Variants in ESR1 observed in about 807,000 individuals in gnomAD.
ESR1 encodes the protein estrogen receptor.
Under a neutral mutation model 52.7 loss-of-function variants are expected in ESR1, and 12 were observed. The ratio of observed to expected loss-of-function variants is 0.23; its 90% CI spans 0.15 to 0.37. The LOEUF is 0.37. Ranked by LOEUF, ESR1 falls within the 10% of genes least tolerant of loss-of-function variation. The pLI, the probability that ESR1 is intolerant of heterozygous loss-of-function variation, is 1.00. For missense variants in ESR1, 584 were observed against 779.7 expected (o/e 0.75, Z 2.99); for synonymous variants, 305 against 316.8 (o/e 0.96, Z 0.39).
At chr6:151,920,398 C>T (rs1052653403) in intron 3 of ESR1, among the ~76,000 whole-genome samples, 4 of 151,900 alleles carry the variant, frequency 2.6e-5, no homozygotes, top group East Asian at 3.9e-4. Flanking sequence ...TATGCCTCAC[C>T]CAGTTTCCTC....
rs397954103 is a variant in ESR1 at position 151,775,745 on chromosome 6, C to CAA, written c.-70-32082_-70-32081dup. On this transcript the variant is annotated intron_variant, in intron 2 of 2. Coordinates refer to the ESR1 transcript ENST00000404742. ...TGGGTGACAAATCGAGACTCCGTCT[C>CAA]AAAAAAAAAAAAAAAAATCCAAAAA... is the stretch of plus-strand genomic sequence containing the variant. 6.6e-3 allele frequency among the ~76,000 whole-genome samples: 510 copies of CAA among 77,336 alleles called. 3 individuals are homozygous for CAA. Among genetic ancestry groups the CAA allele is most frequent in the Non-Finnish European group, 9.2e-3 (343 of 37,436 alleles). The allele number at this position is 77,336 out of a possible 152,430, so 50.7% of individuals were successfully genotyped here.
At chr6:151,815,333 A>G (rs1449774774) in intron 1 of ESR1, among the ~76,000 whole-genome samples, 6 of 152,214 alleles carry the variant, frequency 3.9e-5, no homozygotes, top group Admixed American at 3.9e-4. Context: ...GGGCTTTTGG[A>G]AGCCTCTTTG....
chr6:151,768,787 C>G (rs1412989333), intron 2 of ESR1, among the ~76,000 whole-genome samples: 1 of 152,176 alleles, frequency 6.6e-6, no homozygotes, highest in Non-Finnish European at 1.5e-5. Flanking sequence ...TTTTCTCAAC[C>G]TTTCCTTTAA....
chr6:152,085,058 A>G (rs1282446259), intron 6 of ESR1, among the ~76,000 whole-genome samples: 4 of 152,164 alleles, frequency 2.6e-5, no homozygotes, highest in African/African-American at 9.7e-5. Flanking sequence ...TTGAAATTCT[A>G]TTCCACCTCT....
chr6:152,033,028 C>T (rs1234299621), intron 5 of ESR1, among the ~76,000 whole-genome samples: 2 of 152,084 alleles, frequency 1.3e-5, no homozygotes, highest in East Asian at 3.9e-4. Flanking sequence ...CTGAGAAAAA[C>T]AAGAAATGGG....
Position 152,067,905 on chromosome 6 carries a change from A to T in ESR1, c.1369+6781A>T, listed in dbSNP as rs151158001. 1.5e-3 allele frequency among the ~76,000 whole-genome samples: 221 copies of T among 152,328 alleles called. 1 individual carries two copies. Among genetic ancestry groups the T allele is most frequent in the African/African-American group, 5.0e-3 (210 of 41,586 alleles). ...GACTTAAAATGTTCTTAGTATGCCA[A>T]TGTTGCTTAAATATGAATGACTGTA... On this transcript the variant is annotated intron_variant, in intron 6 of 7. Transcript: ENST00000206249.
chr6:151,796,119 T>C (rs1456750537), intron 2 of ESR1, among the ~76,000 whole-genome samples: 3 of 150,328 alleles, frequency 2.0e-5, no homozygotes, highest in Middle Eastern at 3.4e-3. Flanking sequence ...TGAGCCGAGA[T>C]TGGGCCACTG....
At chr6:151,763,470 G>A (rs1371688522) in intron 2 of ESR1, among the ~76,000 whole-genome samples, 2 of 152,158 alleles carry the variant, frequency 1.3e-5, no homozygotes, top group African/African-American at 4.8e-5. Flanking sequence ...TTTGGTTATT[G>A]TTGCTGTAAC....
chr6:151,775,269 G>A (rs558184613), intron 2 of ESR1, among the ~76,000 whole-genome samples: 22 of 152,262 alleles, frequency 1.4e-4, no homozygotes, highest in Non-Finnish European at 2.4e-4. Flanking sequence ...TTGGCTTTGG[G>A]ATTATTTCAG....
intron 1 of ESR1, among the ~76,000 whole-genome samples, chr6:151,814,342 C>T (rs9340777): frequency 6.6e-6 from 1 of 152,066 alleles, no homozygotes; most frequent in Admixed American, 6.6e-5. Flanking sequence ...GTTTCATTTG[C>T]TTTATTTTCT....
chr6:151,844,475 G>T lies in ESR1; in HGVS notation c.643+1688G>T, dbSNP rs9340815. On this transcript the variant is annotated intron_variant, in intron 2 of 7. Transcript: ENST00000206249. Reference sequence around the variant, plus strand: ...ATCAGTAAAAATGATTTGAAGCAGTGGTTGGCAAAGTTTTTCTGTAAAGGG... The same window carrying T: ...ATCAGTAAAAATGATTTGAAGCAGTTGTTGGCAAAGTTTTTCTGTAAAGGG... Among the ~76,000 whole-genome samples, 538 of 152,216 alleles carry T rather than the reference G, an allele frequency of 3.5e-3. 7 individuals carry two copies. Among genetic ancestry groups the T allele is most frequent in the East Asian group, 0.031 (162 of 5,168 alleles).
chr6:151,668,098 G>C (rs1026911152), intron 1 of ESR1, among the ~76,000 whole-genome samples: 7 of 152,054 alleles, frequency 4.6e-5, no homozygotes, highest in African/African-American at 1.7e-4. Context: ...CTGAGACTGG[G>C]TAATTTACAA....
At chr6:151,891,568 C>CT (rs1172552121) in intron 3 of ESR1, among the ~76,000 whole-genome samples, 1 of 152,050 alleles carries the variant, frequency 6.6e-6, no homozygotes, top group East Asian at 1.9e-4. Context: ...TCTAGTGCAC[C>CT]TTTTTGTTTT....
chr6:151,773,640 T>C (rs958181983), intron 2 of ESR1, among the ~76,000 whole-genome samples: 1 of 152,234 alleles, frequency 6.6e-6, no homozygotes, highest in African/African-American at 2.4e-5. Context: ...CCTTCCTGGC[T>C]GGCAACCCAG....
chr6:151,707,819 G>T (rs1252585750), intron 2 of ESR1, among the ~76,000 whole-genome samples: 1 of 151,948 alleles, frequency 6.6e-6, no homozygotes, highest in African/African-American at 2.4e-5. Context: ...ATCAAATCAT[G>T]ATTTTATTTG....
intron 6 of ESR1, among the ~76,000 whole-genome samples, chr6:152,081,754 G>A (rs1428880901): frequency 6.6e-6 from 1 of 151,916 alleles, no homozygotes; most frequent in Non-Finnish European, 1.5e-5. Context: ...AGAAAAGAGA[G>A]AAGAATCGAA....
chr6:151,773,589 T>C (rs1785696476), intron 2 of ESR1, among the ~76,000 whole-genome samples: 4 of 152,200 alleles, frequency 2.6e-5, no homozygotes, highest in Admixed American at 1.3e-4. Context: ...GACTTTACCC[T>C]GGTCCTAGTG....
chr6:151,908,876 A>ATTTT (rs397754522), intron 3 of ESR1, among the ~76,000 whole-genome samples: 1 of 144,740 alleles, frequency 6.9e-6, no homozygotes, highest in Non-Finnish European at 1.5e-5. Context: ...GTTTAAAGCA[A>ATTTT]TTTTTTTTTT....
At chr6:151,673,461 T>C (rs1049939926) in intron 1 of ESR1, among the ~76,000 whole-genome samples, 20 of 152,228 alleles carry the variant, frequency 1.3e-4, no homozygotes, top group Admixed American at 1.2e-3. Context: ...AATGCCTTGG[T>C]ATTAACGTGA....
Sources: allele counts gnomAD v4.1 joint callset (sites outside exome capture counted in the v4.1 genomes callset), GRCh38; gene constraint gnomAD v4.1.1; transcripts MANE v1.5; gene names NCBI Gene and HGNC (gene_info 2026-07-23, HGNC 2026-07-21).